NDC1: variants seen among roughly 807,000 people sequenced by gnomAD.
The protein encoded by NDC1 is nucleoporin NDC1.
NDC1 carries 24 observed loss-of-function variants against 89.8 expected under a neutral mutation model. The ratio of observed to expected loss-of-function variants is 0.27; its 90% CI spans 0.19 to 0.38. The LOEUF (loss-of-function observed/expected upper bound fraction) is 0.38. Ranked by LOEUF, NDC1 falls within the 10% of genes least tolerant of loss-of-function variation. The pLI, the probability that NDC1 is intolerant of heterozygous loss-of-function variation, is 1.00. For synonymous variants in NDC1, 296 were observed against 284.8 expected (o/e 1.04, Z -0.39); for missense variants, 728 against 797.6 (o/e 0.91, Z 1.05).
intron 5 of NDC1, among the ~76,000 whole-genome samples, chr1:53,821,363 G>A (rs1020282326): frequency 6.6e-6 from 1 of 152,130 alleles, no homozygotes. Context: ...AGGACTGCTT[G>A]AACCTGAGAG....
rs780432280 is a variant in NDC1, at chr1:53,796,937, A to G, written c.1430T>C (p.Leu477Pro). 1 of 1,614,204 alleles carries G rather than the reference A, an allele frequency of 6.2e-7. No homozygotes were observed. Among genetic ancestry groups the G allele is most frequent in the South Asian group, 1.1e-5 (1 of 91,076 alleles). Residue 477 changes from leucine to proline, a missense_variant, in exon 12 of 18, where the codon CTA becomes CCA. By Grantham distance (98) the Leu-to-Pro change is moderately conservative (BLOSUM62 -3). Coordinates refer to ENST00000371429, the MANE Select transcript of NDC1 (RefSeq NM_018087.5). Reference sequence around the variant, plus strand: ...CCACAATCTTGGCCCCCTTCTTATTAGCTGAGGACTTTGCGGTGACCCATA... The same window carrying G: ...CCACAATCTTGGCCCCCTTCTTATTGGCTGAGGACTTTGCGGTGACCCATA... ...TCYGSPQSPQ[L>P]IRRGPRLWTS...
intron 17 of NDC1, among the ~76,000 whole-genome samples, chr1:53,768,627 G>GTATA (rs1431647826): frequency 6.6e-6 from 1 of 152,130 alleles, no homozygotes; most frequent in African/African-American, 2.4e-5. Context: ...ACTGAAACTA[G>GTATA]TATAATACTT....
At chr1:53,833,632 A>T (rs1649137352) in intron 2 of NDC1, among the ~76,000 whole-genome samples, 1 of 152,114 alleles carries the variant, frequency 6.6e-6, no homozygotes, top group Admixed American at 6.6e-5. Flanking sequence ...GGAACTCAAA[A>T]ACAAAAAAAT....
rs150574934 is a variant in NDC1 at position 53,804,313 on chromosome 1, A to G, written c.985-304T>C. ...TTTCCCTGGTTTCCCTCACACAAACATACACTCACATAGCTCTCAACAATG... is the reference window on the plus strand; with the variant it reads ...TTTCCCTGGTTTCCCTCACACAAACGTACACTCACATAGCTCTCAACAATG... On this transcript the variant is annotated intron_variant, in intron 9 of 17. Transcript: ENST00000371429. 3.3e-5 allele frequency among the ~76,000 whole-genome samples: 5 copies of G among 152,248 alleles called. No homozygotes were observed. In the East Asian group the frequency reaches 7.7e-4, roughly 23 times the overall value.
intron 13 of NDC1, among the ~76,000 whole-genome samples, chr1:53,794,010 C>A (rs1241396532): frequency 6.6e-6 from 1 of 151,594 alleles, no homozygotes; most frequent in African/African-American, 2.4e-5. Context: ...GGGTCTCACT[C>A]TATCACCCAT....
chr1:53,830,940 G>A (rs1649044378), intron 3 of NDC1, among the ~76,000 whole-genome samples: 2 of 151,276 alleles, frequency 1.3e-5, no homozygotes, highest in South Asian at 4.2e-4. Context: ...ATAATAAATA[G>A]GCCAAGCATG....
chr1:53,793,792 T>C (rs529709830), intron 13 of NDC1, among the ~76,000 whole-genome samples: 2 of 152,104 alleles, frequency 1.3e-5, no homozygotes, highest in South Asian at 4.2e-4. Flanking sequence ...GGTCTCACCA[T>C]CTTGCCCAGG....
At chr1:53,792,948 A>G (rs1647569838) in intron 14 of NDC1, among the ~76,000 whole-genome samples, 1 of 152,266 alleles carries the variant, frequency 6.6e-6, no homozygotes, top group Non-Finnish European at 1.5e-5. Flanking sequence ...GTGAAGATCC[A>G]GACAGCAGGA....
At chr1:53,787,134 C>T (rs572879190) in intron 16 of NDC1, 24 bp downstream of exon 16, 23 of 1,377,438 alleles carry the variant, frequency 1.7e-5, no homozygotes, top group African/African-American at 1.4e-4. Flanking sequence ...ACCTCTACCC[C>T]CTCCCAACCC....
chr1:53,772,246 A>G (rs1647119779), intron 17 of NDC1, 83 bp downstream of exon 17: 4 of 1,234,660 alleles, frequency 3.2e-6, no homozygotes, highest in East Asian at 2.3e-5. Flanking sequence ...CTTTCAACAC[A>G]TGAGCCTTAT....
chr1:53,773,607 C>T (rs1371753697), intron 16 of NDC1, among the ~76,000 whole-genome samples: 1 of 152,166 alleles, frequency 6.6e-6, no homozygotes, highest in African/African-American at 2.4e-5. Context: ...CTGGGGATTA[C>T]AGACGAGCGG....
At chr1:53,787,130 A>AC in intron 16 of NDC1, 28 bp downstream of exon 16, 1 of 1,245,838 alleles carries the variant, frequency 8.0e-7, no homozygotes, top group Non-Finnish European at 1.2e-6. Context: ...GATGACCTCT[A>AC]CCCCCTCCCA....
chr1:53,833,164 C>T (rs1570242634), intron 2 of NDC1, among the ~76,000 whole-genome samples: 1 of 152,158 alleles, frequency 6.6e-6, no homozygotes, highest in East Asian at 1.9e-4. Flanking sequence ...TTTCTTTTCT[C>T]TGTCTTTCTT....
intron 17 of NDC1, among the ~76,000 whole-genome samples, chr1:53,770,131 T>C (rs937398758): frequency 1.5e-4 from 23 of 152,300 alleles, no homozygotes; most frequent in Admixed American, 8.5e-4. Flanking sequence ...ATATAAAATA[T>C]GGCTCTTTTC....
At chr1:53,806,595 AAGAC>A (rs1202257529) in intron 8 of NDC1, 78 bp from the exon 9 acceptor site, 20 of 876,112 alleles carry the variant, frequency 2.3e-5, no homozygotes, top group Admixed American at 3.3e-5. Context: ...TTAAAACATA[AAGAC>A]AGACAGCACA....
At chr1:53,833,913 C>G (rs993670305) in intron 2 of NDC1, among the ~76,000 whole-genome samples, 1 of 151,586 alleles carries the variant, frequency 6.6e-6, no homozygotes, top group South Asian at 2.1e-4. Context: ...GCAGCCTCCA[C>G]CCCCCACTCC....
At chr1:53,777,609 C>T (rs902251159) in intron 16 of NDC1, among the ~76,000 whole-genome samples, 4 of 152,114 alleles carry the variant, frequency 2.6e-5, no homozygotes, top group African/African-American at 9.7e-5. Flanking sequence ...GAGACCTCAG[C>T]AAGTAAGAGT....
Position 53,820,120 on chromosome 1 carries a change from T to C in NDC1, c.595-1041A>G, listed in dbSNP as rs182897315. On this transcript the variant is annotated intron_variant, in intron 5 of 17. Transcript: ENST00000371429. ...AAATACAAAAATTAGCCAGGTGTGG[T>C]GGCACATGCCTGTAATCGCAGCTAC... Among the ~76,000 whole-genome samples the C allele has an allele frequency of 3.7e-3, 555 of 152,006 alleles. 4 individuals carry two copies. The highest frequency in any genetic ancestry group is 2.5e-3 in the Non-Finnish European group (170 of 67,976).
intron 4 of NDC1, among the ~76,000 whole-genome samples, chr1:53,827,615 A>G (rs1648912489): frequency 6.6e-6 from 1 of 152,170 alleles, no homozygotes; most frequent in Admixed American, 6.6e-5. Context: ...TTCAAACTCC[A>G]ACCAAATGCT....
Sources: allele counts gnomAD v4.1 joint callset (sites outside exome capture counted in the v4.1 genomes callset), GRCh38; gene constraint gnomAD v4.1.1; transcripts MANE v1.5; gene names NCBI Gene and HGNC (gene_info 2026-07-23, HGNC 2026-07-21).